Variants in VPS37A observed in about 807,000 individuals in gnomAD.
VPS37A encodes VPS37A subunit of ESCRT-I.
Under a neutral mutation model 49.8 loss-of-function variants are expected in VPS37A, and 30 were observed. That is an observed-to-expected ratio of 0.60 (90% CI 0.45 to 0.82). The LOEUF (loss-of-function observed/expected upper bound fraction) is 0.82, where lower values mean the gene tolerates loss of function less well. Ranked by LOEUF, VPS37A falls within the 40% of genes least tolerant of loss-of-function variation. The pLI, the probability that VPS37A is intolerant of heterozygous loss-of-function variation, is 0.00. For synonymous variants in VPS37A, 195 were observed against 160.6 expected (o/e 1.21, Z -1.62); for missense variants, 593 against 464.4 (o/e 1.28, Z -2.55).
chr8:17,261,982 G>A (rs777282779), intron 1 of VPS37A, among the ~76,000 whole-genome samples: 2 of 152,136 alleles, frequency 1.3e-5, no homozygotes, highest in African/African-American at 4.8e-5. Flanking sequence ...GTGAGTTGAG[G>A]CAGGGATGAG....
chr8:17,276,194 A>C (rs1814494930), intron 5 of VPS37A, among the ~76,000 whole-genome samples: 1 of 152,176 alleles, frequency 6.6e-6, no homozygotes, highest in African/African-American at 2.4e-5. Context: ...CACCAAAAAA[A>C]AAAGTAATCC....
At chr8:17,302,302 C>A, downstream of VPS37A, 1 of 1,609,806 alleles carries the variant, frequency 6.2e-7, no homozygotes, top group South Asian at 1.1e-5. Context: ...GGCAAAGCGT[C>A]GTGATACCAC....
chr8:17,321,362 A>C, the VPS37A span, among the ~76,000 whole-genome samples: 1 of 152,204 alleles, frequency 6.6e-6, no homozygotes, highest in Non-Finnish European at 1.5e-5. Flanking sequence ...TGTGGCTCTC[A>C]CCATGTCAGC....
chr8:17,320,355 C>T, the VPS37A span, among the ~76,000 whole-genome samples: 1 of 152,070 alleles, frequency 6.6e-6, no homozygotes, highest in African/African-American at 2.4e-5. Flanking sequence ...TTCCCTCACA[C>T]ACCCTGAGAT....
downstream of VPS37A, chr8:17,300,237 T>C: frequency 6.3e-7 from 1 of 1,589,564 alleles, no homozygotes; most frequent in Non-Finnish European, 8.6e-7. Context: ...AAGAAAGAAA[T>C]AACAATTTCA....
Position 17,259,754 on chromosome 8 carries a change from T to G in VPS37A, c.126-6153T>G, listed in dbSNP as rs144416462. Among the ~76,000 whole-genome samples the G allele has an allele frequency of 6.6e-5, 10 of 152,234 alleles. 1 individual carries two copies. The East Asian group carries it at 1.5e-3, about 23-fold the overall frequency. ...TGCTGTATGTACTTTGGAGCTCTGG[T>G]TTTGGGTGCATAGATATTTCTAATT... On this transcript the variant is annotated intron_variant, in intron 1 of 11. Coordinates refer to ENST00000324849, the MANE Select transcript of VPS37A (RefSeq NM_152415.3).
In VPS37A at chr8:17,291,684, C is replaced by T. The variant is rs186641327; in HGVS notation, c.*1-3303C>T. Among the ~76,000 whole-genome samples the T allele has an allele frequency of 4.7e-3, 716 of 152,144 alleles. 7 individuals are homozygous for T. The highest frequency in any genetic ancestry group is 0.016 in the African/African-American group (652 of 41,512). ...GATTCTGGTACATTGTGTCTTTGTT[C>T]TCATTGGTTTCAAAGAACTTATTTA... On this transcript the variant is annotated intron_variant, in intron 11 of 11. Transcript: ENST00000324849.
chr8:17,248,500 T>C (rs1223702626), intron 1 of VPS37A: 1 of 388,492 alleles, frequency 2.6e-6, no homozygotes, highest in Non-Finnish European at 5.2e-6. Context: ...GGTCTCGAAC[T>C]CCTGACCTTA....
At chr8:17,331,010 T>G in the VPS37A span, 2 of 1,036,226 alleles carry the variant, frequency 1.9e-6, no homozygotes, top group Non-Finnish European at 2.7e-6. Context: ...CTTAAGTGTT[T>G]AAAAAGCCAC....
At chr8:17,252,738 T>C (rs1378683869) in intron 1 of VPS37A, among the ~76,000 whole-genome samples, 3 of 152,192 alleles carry the variant, frequency 2.0e-5, no homozygotes, top group African/African-American at 7.2e-5. Context: ...CCTTCATTCA[T>C]GTGTGTTACC....
chr8:17,266,058 A>T (rs1813418143), intron 2 of VPS37A, 77 bp downstream of exon 2: 1 of 1,326,392 alleles, frequency 7.5e-7, no homozygotes, highest in South Asian at 1.3e-5. Context: ...TATTAGAAAT[A>T]AACTTTTAAG....
intron 1 of VPS37A, among the ~76,000 whole-genome samples, chr8:17,253,408 C>T (rs1275702331): frequency 6.6e-6 from 1 of 152,148 alleles, no homozygotes; most frequent in African/African-American, 2.4e-5. Flanking sequence ...CAGTAGTTTC[C>T]TAACTCTTGT....
chr8:17,326,432 A>G, the VPS37A span: 2 of 152,222 alleles, frequency 1.3e-5, no homozygotes, highest in African/African-American at 4.8e-5. Context: ...GGTTATAATG[A>G]TCCTTGCAGT....
At chr8:17,318,194 A>G in the VPS37A span, among the ~76,000 whole-genome samples, 2 of 152,128 alleles carry the variant, frequency 1.3e-5, no homozygotes, top group Non-Finnish European at 2.9e-5. Flanking sequence ...CATGTTTGGG[A>G]TCCGAACACA....
chr8:17,299,445 G>A (rs966618993), downstream of VPS37A: 2 of 163,622 alleles, frequency 1.2e-5, no homozygotes, highest in African/African-American at 4.8e-5. Context: ...AATGTCAGAT[G>A]CTTTAGAAAA....
chr8:17,315,525 C>T, the VPS37A span, among the ~76,000 whole-genome samples: 1 of 152,096 alleles, frequency 6.6e-6, no homozygotes, highest in Non-Finnish European at 1.5e-5. Flanking sequence ...ACCACTCCGT[C>T]GGGGATGTGA....
At chr8:17,324,179 G>C in the VPS37A span, among the ~76,000 whole-genome samples, 12 of 152,140 alleles carry the variant, frequency 7.9e-5, no homozygotes, top group African/African-American at 2.9e-4. Context: ...GTCAAAATTG[G>C]TTACTTCTTT....
the VPS37A span, among the ~76,000 whole-genome samples, chr8:17,324,302 TTA>T: frequency 6.6e-6 from 1 of 152,212 alleles, no homozygotes; most frequent in Non-Finnish European, 1.5e-5. Flanking sequence ...CTCCTGTGTG[TTA>T]AGTACTTACT....
intron 4 of VPS37A, 73 bp from the exon 5 acceptor site, chr8:17,274,660 G>T (rs1265885921): frequency 1.6e-6 from 2 of 1,261,326 alleles, no homozygotes; most frequent in Non-Finnish European, 2.2e-6. Context: ...TTGTTATTTA[G>T]AACAATTTAG....
Sources: allele counts gnomAD v4.1 joint callset (sites outside exome capture counted in the v4.1 genomes callset), GRCh38; gene constraint gnomAD v4.1.1; transcripts MANE v1.5; gene names NCBI Gene and HGNC (gene_info 2026-07-23, HGNC 2026-07-21).